SYNDIG1: variants seen among roughly 807,000 people sequenced by gnomAD.
SYNDIG1 encodes the protein synapse differentiation inducing 1.
SYNDIG1 carries 9 observed loss-of-function variants against 19.4 expected under a neutral mutation model. The ratio of observed to expected loss-of-function variants is 0.46; its 90% CI spans 0.28 to 0.81. The LOEUF (loss-of-function observed/expected upper bound fraction) is 0.81, where lower values mean the gene tolerates loss of function less well. SYNDIG1 is among the 30% of genes least tolerant of loss of function. The pLI is 0.12. For synonymous variants in SYNDIG1, 141 were observed against 145.9 expected, an observed-to-expected ratio of 0.97 and a Z score of 0.24; for missense variants, 311 against 343.3, an observed-to-expected ratio of 0.91 and a Z score of 0.74.
intron 2 of SYNDIG1, among the ~76,000 whole-genome samples, chr20:24,553,724 A>G (rs1468895240): frequency 1.3e-5 from 2 of 152,202 alleles, no homozygotes; most frequent in Admixed American, 1.3e-4. Flanking sequence ...CTTGTAGTAT[A>G]GTTTGAAGTC....
At chr20:24,631,634 A>G (rs2059245614) in intron 3 of SYNDIG1, among the ~76,000 whole-genome samples, 2 of 152,236 alleles carry the variant, frequency 1.3e-5, no homozygotes, top group Admixed American at 1.3e-4. Context: ...TTTATCACGT[A>G]AAATCTGCTG....
intron 3 of SYNDIG1, among the ~76,000 whole-genome samples, chr20:24,590,907 A>C (rs1015354456): frequency 6.6e-6 from 1 of 152,196 alleles, no homozygotes; most frequent in Non-Finnish European, 1.5e-5. Flanking sequence ...AGCGGACTCC[A>C]GAGCAAGAGG....
chr20:24,661,620 G>A lies in SYNDIG1; in HGVS notation c.619-3726G>A, dbSNP rs1427111824. Among the ~76,000 whole-genome samples the A allele has an allele frequency of 2.1e-5, 3 of 141,614 alleles. No individual in the cohort carries two copies. In the East Asian group the frequency reaches 6.8e-4, roughly 32 times the overall value. 92.9% of individuals were successfully genotyped at this position (141,614 alleles called of 152,430 possible). A position where few individuals can be genotyped will look rare whatever the true frequency, so the allele number is the denominator to read the frequency against. On this transcript the variant is annotated intron_variant, in intron 3 of 3. Transcript: ENST00000376862. ...AAAAGTAAGGAAGGGAGGAGGGAGGGAGGAGGGAGGGAGGGACTGGCCTTC... is the reference window on the plus strand; with the variant it reads ...AAAAGTAAGGAAGGGAGGAGGGAGGAAGGAGGGAGGGAGGGACTGGCCTTC...
At chr20:24,483,186 C>T (rs1174848431) in intron 1 of SYNDIG1, among the ~76,000 whole-genome samples, 1 of 152,096 alleles carries the variant, frequency 6.6e-6, no homozygotes, top group African/African-American at 2.4e-5. Flanking sequence ...ATGCAGTGCA[C>T]GTTGTGGTTG....
At chr20:24,608,239 G>A (rs1429564753) in intron 3 of SYNDIG1, among the ~76,000 whole-genome samples, 3 of 150,776 alleles carry the variant, frequency 2.0e-5, no homozygotes, top group East Asian at 1.9e-4. Flanking sequence ...AGTCTGGAGT[G>A]CAGTAGCGCA....
chr20:24,641,586 T>A (rs759869246), intron 3 of SYNDIG1, among the ~76,000 whole-genome samples: 32 of 152,114 alleles, frequency 2.1e-4, no homozygotes, highest in Non-Finnish European at 4.4e-4. Flanking sequence ...GCAAAATAGG[T>A]ATTATAACTC....
intron 2 of SYNDIG1, among the ~76,000 whole-genome samples, chr20:24,571,486 T>C (rs890664343): frequency 5.3e-5 from 8 of 152,190 alleles, no homozygotes; most frequent in South Asian, 2.1e-4. Context: ...TATATATATA[T>C]ACACACACAC....
chr20:24,661,353 G>GGAGTTAGGAAA (rs2059585367), intron 3 of SYNDIG1, among the ~76,000 whole-genome samples: 2 of 136,308 alleles, frequency 1.5e-5, no homozygotes, highest in Non-Finnish European at 1.7e-5. Flanking sequence ...GAGGGAGAGA[G>GGAGTTAGGAAA]GAGGGAGGGA....
intron 1 of SYNDIG1, among the ~76,000 whole-genome samples, chr20:24,473,699 A>G (rs754763486): frequency 2.0e-5 from 3 of 152,142 alleles, no homozygotes; most frequent in Non-Finnish European, 4.4e-5. Flanking sequence ...CCCGAGTGCC[A>G]TGAGCAGACA....
chr20:24,655,675 T>C (rs780605958), intron 3 of SYNDIG1, among the ~76,000 whole-genome samples: 3 of 152,056 alleles, frequency 2.0e-5, no homozygotes, highest in Non-Finnish European at 4.4e-5. Context: ...CATATTCCTT[T>C]GATGATAAAA....
At chr20:24,582,076 C>A (rs2058334462) in intron 2 of SYNDIG1, among the ~76,000 whole-genome samples, 1 of 134,308 alleles carries the variant, frequency 7.4e-6, no homozygotes, top group Non-Finnish European at 1.6e-5. Context: ...ATGTCCTCCC[C>A]CCTGCATGGC....
chr20:24,629,533 C>G (rs2059208841), intron 3 of SYNDIG1, among the ~76,000 whole-genome samples: 1 of 151,986 alleles, frequency 6.6e-6, no homozygotes, highest in South Asian at 2.1e-4. Flanking sequence ...AAATGAGGAC[C>G]ACAGAGAAAG....
At chr20:24,483,297 G>A (rs2055850445) in intron 1 of SYNDIG1, among the ~76,000 whole-genome samples, 1 of 152,172 alleles carries the variant, frequency 6.6e-6, no homozygotes, top group Non-Finnish European at 1.5e-5. Flanking sequence ...GTACTGCCAC[G>A]AGTAGCTCCA....
At chr20:24,593,571 G>T (rs2058548349) in intron 3 of SYNDIG1, among the ~76,000 whole-genome samples, 1 of 152,204 alleles carries the variant, frequency 6.6e-6, no homozygotes, top group African/African-American at 2.4e-5. Flanking sequence ...GAATTGCTGA[G>T]TCAAATGGTA....
chr20:24,542,358 G>C (rs1366967827), intron 1 of SYNDIG1, among the ~76,000 whole-genome samples: 1 of 152,162 alleles, frequency 6.6e-6, no homozygotes, highest in South Asian at 2.1e-4. Context: ...AGCTGGGATC[G>C]TGTTAAAATG....
chr20:24,603,282 G>A (rs571765091), intron 3 of SYNDIG1, among the ~76,000 whole-genome samples: 1 of 152,214 alleles, frequency 6.6e-6, no homozygotes, highest in East Asian at 1.9e-4. Flanking sequence ...AAACCATGCT[G>A]CCAAATCCTC....
chr20:24,665,559 G>A lies in SYNDIG1; in HGVS notation c.*55G>A. Reference sequence around the variant, plus strand: ...GGGCCAGGTCTGTGTGGACGTGGAGGAAGCAGGCATACCGCATGATGCTGT... The same window carrying A: ...GGGCCAGGTCTGTGTGGACGTGGAGAAAGCAGGCATACCGCATGATGCTGT... On this transcript the variant is annotated 3_prime_UTR_variant, in exon 4 of 4. Coordinates refer to ENST00000376862, the MANE Select transcript of SYNDIG1 (RefSeq NM_024893.3). 2 of 1,607,340 alleles carry A rather than the reference G, an allele frequency of 1.2e-6. No homozygotes were observed. Among genetic ancestry groups the A allele is most frequent in the Middle Eastern group, 1.7e-4 (1 of 6,014 alleles).
intron 1 of SYNDIG1, among the ~76,000 whole-genome samples, chr20:24,512,150 T>C (rs1026378739): frequency 6.7e-5 from 8 of 118,538 alleles, no homozygotes; most frequent in African/African-American, 9.7e-5. Context: ...TATATATATA[T>C]ATATGCAGTG....
chr20:24,597,618 G>A (rs1442395776), intron 3 of SYNDIG1, among the ~76,000 whole-genome samples: 3 of 152,120 alleles, frequency 2.0e-5, no homozygotes, highest in African/African-American at 7.2e-5. Context: ...AAATATCTGA[G>A]TCCATCAACT....
Sources: gnomAD v4.1 joint callset for allele counts (sites outside exome capture counted in the v4.1 genomes callset) on GRCh38, gnomAD v4.1.1 for gene constraint, MANE v1.5 for transcripts, NCBI Gene and HGNC (gene_info 2026-07-23, HGNC 2026-07-21) for gene names.